The following RDH10 variants were observed in gnomAD, a reference collection of about 807,000 sequenced individuals.
The protein encoded by RDH10 is retinol dehydrogenase 10 (all-trans).
RDH10 carries 12 observed loss-of-function variants against 30.2 expected under a neutral mutation model. That is an observed-to-expected ratio of 0.40 (90% confidence interval 0.25 to 0.64). RDH10 has a LOEUF of 0.64. Ranked by LOEUF, RDH10 falls within the 30% of genes least tolerant of loss-of-function variation. RDH10 has a pLI of 0.43. For synonymous variants in RDH10, 189 were observed against 172.2 expected, an observed-to-expected ratio of 1.10 and a Z score of -0.76; for missense variants, 268 against 445.2, an observed-to-expected ratio of 0.60 and a Z score of 3.58.
chr8:73,303,061 T>G (rs1814406330), intron 2 of RDH10, among the ~76,000 whole-genome samples: 1 of 152,212 alleles, frequency 6.6e-6, no homozygotes, highest in Admixed American at 6.5e-5. Context: ...TAATTGGTAG[T>G]TAATTAATAG....
Position 73,294,932 on chromosome 8 carries a change from G to A in RDH10, c.-358G>A, listed in dbSNP as rs1002585280. 5 of 394,528 alleles carry A rather than the reference G, an allele frequency of 1.3e-5. No individual in the cohort carries two copies. The highest frequency in any genetic ancestry group is 1.0e-4 in the African/African-American group (5 of 48,384). 24.4% of individuals were successfully genotyped at this position (394,528 alleles called of 1,614,324 possible). ...GGGGACGCTCGGGCGGCAGCAGCTT[G>A]GCCATGAGGGCAGTTCGAGTAGTCT... On this transcript the variant is annotated 5_prime_UTR_variant, in exon 1 of 6. Transcript: ENST00000240285.
intron 2 of RDH10, among the ~76,000 whole-genome samples, chr8:73,307,645 GAAGGAAGAAACTAGGACC>G (rs1189216919): frequency 6.6e-6 from 1 of 152,170 alleles, no homozygotes; most frequent in Non-Finnish European, 1.5e-5. Flanking sequence ...CACTGCCAGG[GAAGGAAGAAACTAGGACC>G]CAAACCCTCA....
At chr8:73,298,679 T>TGCC (rs1285606372) in intron 2 of RDH10, among the ~76,000 whole-genome samples, 8 of 152,030 alleles carry the variant, frequency 5.3e-5, no homozygotes, top group African/African-American at 1.9e-4. Flanking sequence ...AGGCACATGC[T>TGCC]GCCACACCTG....
Position 73,294,868 on chromosome 8 carries a change from C to T in RDH10, c.-422C>T, listed in dbSNP as rs1814222894. On this transcript the variant is annotated 5_prime_UTR_variant, in exon 1 of 6. Coordinates refer to ENST00000240285, the MANE Select transcript of RDH10 (RefSeq NM_172037.5). Reference sequence around the variant, plus strand: ...GGCCCGTGCCGCCTCCGCTGCGCACCCCTCCCCCGGGGTGAGAGGGAGCCG... The same window carrying T: ...GGCCCGTGCCGCCTCCGCTGCGCACTCCTCCCCCGGGGTGAGAGGGAGCCG... 1 of 392,514 alleles carries T rather than the reference C, an allele frequency of 2.5e-6. No homozygotes were observed. The highest frequency in any genetic ancestry group is 4.5e-6 in the Non-Finnish European group (1 of 221,994). The allele number at this position is 392,514 out of a possible 1,614,324, so 24.3% of individuals were successfully genotyped here. A position where few individuals can be genotyped will look rare whatever the true frequency, so the allele number is the denominator to read the frequency against.
intron 4 of RDH10, chr8:73,321,948 GTGTC>G (rs779420387): frequency 1.8e-5 from 8 of 456,280 alleles, no homozygotes; most frequent in South Asian, 1.2e-4. Context: ...ACACATGTGT[GTGTC>G]TGTGTGAACA....
chr8:73,320,308 A>G (rs1814742975), intron 3 of RDH10, among the ~76,000 whole-genome samples: 1 of 152,238 alleles, frequency 6.6e-6, no homozygotes, highest in South Asian at 2.1e-4. Context: ...GTGAGCTTTC[A>G]TAGAATCCTT....
intron 2 of RDH10, among the ~76,000 whole-genome samples, chr8:73,316,553 C>T (rs1013783620): frequency 2.6e-5 from 4 of 152,212 alleles, no homozygotes; most frequent in African/African-American, 9.6e-5. Flanking sequence ...ATGTGTCTCT[C>T]TTCCTCAGCA....
At chr8:73,310,716 A>C (rs1814549294) in intron 2 of RDH10, among the ~76,000 whole-genome samples, 1 of 152,166 alleles carries the variant, frequency 6.6e-6, no homozygotes, top group East Asian at 1.9e-4. Flanking sequence ...TTATTCCATA[A>C]AGAGTTATTA....
intron 2 of RDH10, among the ~76,000 whole-genome samples, chr8:73,299,142 A>C (rs1360139736): frequency 6.6e-6 from 1 of 152,286 alleles, no homozygotes; most frequent in East Asian, 1.9e-4. Context: ...TTCATTTACA[A>C]ACCTCTAGAA....
chr8:73,317,812 C>T (rs940220089), intron 2 of RDH10, among the ~76,000 whole-genome samples: 2 of 151,714 alleles, frequency 1.3e-5, no homozygotes, highest in African/African-American at 2.4e-5. Flanking sequence ...CCCAGCTACT[C>T]GGCAGGCTGA....
At chr8:73,304,932 G>GTTAT (rs1442620802) in intron 2 of RDH10, among the ~76,000 whole-genome samples, 1 of 152,172 alleles carries the variant, frequency 6.6e-6, no homozygotes. Flanking sequence ...AGTGAGTTGT[G>GTTAT]TTATTTATCT....
rs774732517 is a variant in RDH10, at chr8:73,323,560, A to G, written c.*524A>G. 6.5e-6 allele frequency: 1 copy of G among 153,486 alleles called. No homozygotes were observed. The highest frequency in any genetic ancestry group is 1.5e-5 in the Non-Finnish European group (1 of 68,936). 9.5% of individuals were successfully genotyped at this position (153,486 alleles called of 1,614,324 possible). On this transcript the variant is annotated 3_prime_UTR_variant, in exon 6 of 6. Transcript: ENST00000240285. ...AGCTCTTTTGAAAAGGAATTTTGAA[A>G]TCTCCATCAACTGAAGTAAATGATG...
intron 2 of RDH10, chr8:73,313,463 C>T (rs1814606576): frequency 6.6e-6 from 1 of 151,652 alleles, no homozygotes; most frequent in Admixed American, 6.6e-5. Context: ...GAATGTCCTT[C>T]CCTTTTTTTT....
At chr8:73,319,277 T>A (rs1814725148) in intron 3 of RDH10, 83 bp downstream of exon 3, 2 of 900,346 alleles carry the variant, frequency 2.2e-6, no homozygotes, top group Non-Finnish European at 3.6e-6. Flanking sequence ...GAGCACCTGC[T>A]GCCCCTCCAT....
At chr8:73,310,213 A>G (rs1402882242) in intron 2 of RDH10, among the ~76,000 whole-genome samples, 1 of 152,226 alleles carries the variant, frequency 6.6e-6, no homozygotes, top group Non-Finnish European at 1.5e-5. Flanking sequence ...AACAATGCCT[A>G]TCCCAATGTA....
In RDH10 at chr8:73,323,476, G is replaced by A. The variant is rs947137048; in HGVS notation, c.*440G>A. On this transcript the variant is annotated 3_prime_UTR_variant, in exon 6 of 6. Transcript: ENST00000240285. Reference sequence around the variant, plus strand: ...GACTGATAGTGCTGTATTTTCTCACGTTTTCTAAGTTTCCGTTTTGCAAGG... The same window carrying A: ...GACTGATAGTGCTGTATTTTCTCACATTTTCTAAGTTTCCGTTTTGCAAGG... The A allele has an allele frequency of 3.2e-5, 5 of 157,744 alleles. No homozygotes were observed. The highest frequency in any genetic ancestry group is 6.0e-5 in the Admixed American group (1 of 16,628). 9.8% of individuals were successfully genotyped at this position (157,744 alleles called of 1,614,324 possible).
intron 2 of RDH10, among the ~76,000 whole-genome samples, chr8:73,303,942 TGTTTTTCTCA>T (rs1814424485): frequency 6.6e-6 from 1 of 152,238 alleles, no homozygotes; most frequent in African/African-American, 2.4e-5. Context: ...AATCTGTGTC[TGTTTTTCTCA>T]GTTGTTTAAA....
chr8:73,315,922 C>T (rs889493778), intron 2 of RDH10, among the ~76,000 whole-genome samples: 9 of 152,142 alleles, frequency 5.9e-5, no homozygotes, highest in African/African-American at 1.4e-4. Flanking sequence ...CTCTGGTTAA[C>T]GTCAATAATA....
intron 2 of RDH10, among the ~76,000 whole-genome samples, chr8:73,309,389 A>G (rs746228462): frequency 3.9e-5 from 6 of 152,168 alleles, no homozygotes; most frequent in Non-Finnish European, 7.4e-5. Context: ...TTTAGTAATG[A>G]TATTTTCGGT....
Sources: allele counts gnomAD v4.1 joint callset (sites outside exome capture counted in the v4.1 genomes callset), GRCh38; gene constraint gnomAD v4.1.1; transcripts MANE v1.5; gene names NCBI Gene and HGNC (gene_info 2026-07-23, HGNC 2026-07-21).